The following JADE2 variants were observed in gnomAD, a reference collection of about 807,000 sequenced individuals.
JADE2 encodes jade family PHD finger 2, also known as E3 ubiquitin-protein ligase Jade-2.
JADE2 carries 13 observed loss-of-function variants against 85.7 expected under a neutral mutation model. The observed-to-expected ratio is 0.15, with a 90% CI of 0.10 to 0.24. The LOEUF (loss-of-function observed/expected upper bound fraction) is 0.24, where lower values mean the gene tolerates loss of function less well. Among genes scored for constraint, JADE2 ranks in the 10% least tolerant of loss-of-function variants. JADE2 has a pLI of 1.00. For missense variants in JADE2, 846 were observed against 1,115.9 expected, an observed-to-expected ratio of 0.76 and a Z score of 3.45; for synonymous variants, 440 against 456.1, an observed-to-expected ratio of 0.96 and a Z score of 0.45.
chr5:134,547,611 C>G (rs115800558), intron 3 of JADE2, among the ~76,000 whole-genome samples: 7 of 152,308 alleles, frequency 4.6e-5, no homozygotes, highest in African/African-American at 1.4e-4. Flanking sequence ...CCTGGAAATT[C>G]AACACAAAAT....
intron 3 of JADE2, among the ~76,000 whole-genome samples, chr5:134,543,312 G>A (rs1762090817): frequency 6.6e-6 from 1 of 151,646 alleles, no homozygotes; most frequent in Admixed American, 6.6e-5. Context: ...TTACAGGCGT[G>A]AGCCACTGTG....
rs1428007182 is a variant in JADE2 at position 134,578,821 on chromosome 5, A to T, written c.2009A>T (p.Lys670Met). 5 of 1,613,756 alleles carry T rather than the reference A, an allele frequency of 3.1e-6. No individual in the cohort carries two copies. The highest frequency in any genetic ancestry group is 4.2e-6 in the Non-Finnish European group (5 of 1,180,004). Residue 670 changes from lysine to methionine, a missense_variant, in exon 12 of 12, where the codon AAG (lysine) becomes ATG (methionine). Physicochemically the swap from Lys to Met is moderately conservative, Grantham distance 95 (BLOSUM62 -1). Around this residue, in one of 9 missense-constraint regions of JADE2, gnomAD observed 300 missense variants for 300.7 expected, o/e 1.00. Coordinates refer to ENST00000681547, the MANE Select transcript of JADE2 (RefSeq NM_001388185.1). The surrounding 1 kb of genome is among the most constrained non-coding windows in gnomAD (Gnocchi z 4.4). ...GSRTTPDKAP[K>M]KTWGQDAGSG... ...CGGACGACTCCAGACAAAGCCCCCAAGAAGACCTGGGGCCAGGATGCAGGC... is the reference window on the plus strand; with the variant it reads ...CGGACGACTCCAGACAAAGCCCCCATGAAGACCTGGGGCCAGGATGCAGGC...
intron 11 of JADE2, among the ~76,000 whole-genome samples, chr5:134,577,455 G>A (rs1764446486): frequency 6.6e-6 from 1 of 152,190 alleles, no homozygotes; most frequent in South Asian, 2.1e-4. Flanking sequence ...GAGATCTCAG[G>A]GAGCATCATG....
At chr5:134,570,777 A>G (rs1763947141) in intron 9 of JADE2, among the ~76,000 whole-genome samples, 1 of 151,654 alleles carries the variant, frequency 6.6e-6, no homozygotes, top group Admixed American at 6.6e-5. Context: ...ATGGTCATCC[A>G]TTGCTCTCCC....
chr5:134,534,898 A>G (rs1213648757), intron 1 of JADE2, among the ~76,000 whole-genome samples: 3 of 152,204 alleles, frequency 2.0e-5, no homozygotes, highest in African/African-American at 7.2e-5. Flanking sequence ...AGGCTCTGCC[A>G]CCTGGGACTC....
upstream of JADE2, among the ~76,000 whole-genome samples, chr5:134,524,815 T>G (rs1314288136): frequency 6.6e-6 from 1 of 152,154 alleles, no homozygotes; most frequent in Non-Finnish European, 1.5e-5. Context: ...TAGTTTTCCA[T>G]TTGGAGTGGG....
upstream of JADE2, chr5:134,524,413 T>A (rs1760686365): frequency 6.6e-6 from 1 of 152,296 alleles, no homozygotes; most frequent in African/African-American, 2.4e-5. Flanking sequence ...CCGAGCGTAC[T>A]GTTTGTGCAC....
chr5:134,551,136 G>T (rs1762568038), intron 3 of JADE2, among the ~76,000 whole-genome samples: 1 of 152,150 alleles, frequency 6.6e-6, no homozygotes, highest in East Asian at 1.9e-4. Flanking sequence ...ACTTGTGTCT[G>T]GGGGTGCAGA....
chr5:134,553,800 C>T (rs1762749222), intron 4 of JADE2, among the ~76,000 whole-genome samples: 2 of 152,220 alleles, frequency 1.3e-5, no homozygotes, highest in Admixed American at 1.3e-4. Context: ...GAGATGAGTC[C>T]TCTGGGCTTT....
intron 8 of JADE2, among the ~76,000 whole-genome samples, chr5:134,565,405 G>T (rs899905980): frequency 9.9e-5 from 15 of 152,234 alleles, no homozygotes; most frequent in Non-Finnish European, 2.1e-4. Flanking sequence ...CTGTCTGGAT[G>T]AAAGGAGAGG....
Position 134,566,498 on chromosome 5 carries a change from T to C in JADE2, c.1352T>C (p.Val451Ala). Reference protein sequence around the residue: ...QPLLTPKTDEVDNLAQQEQDV... With the variant: ...QPLLTPKTDEADNLAQQEQDV... Reference sequence around the variant, plus strand: ...CTGCTGACCCCCAAGACCGACGAGGTGGACAACCTGGCCCAGCAGGAGCAG... The same window carrying C: ...CTGCTGACCCCCAAGACCGACGAGGCGGACAACCTGGCCCAGCAGGAGCAG... The change falls in exon 9 of 12, where the codon GTG becomes GCG. Residue 451 changes from valine to alanine, a missense_variant. Val to Ala is a moderately conservative substitution (Grantham distance 64, BLOSUM62 0). Coordinates refer to ENST00000681547, the MANE Select transcript of JADE2 (RefSeq NM_001388185.1). The surrounding 1 kb of genome is among the most constrained non-coding windows in gnomAD (Gnocchi z 6.7). 6.2e-7 allele frequency: 1 copy of C among 1,608,712 alleles called. No individual in the cohort carries two copies. The highest frequency in any genetic ancestry group is 8.5e-7 in the Non-Finnish European group (1 of 1,177,700).
At chr5:134,532,736 A>G (rs895251159) in intron 1 of JADE2, among the ~76,000 whole-genome samples, 3 of 152,062 alleles carry the variant, frequency 2.0e-5, no homozygotes, top group Non-Finnish European at 4.4e-5. Flanking sequence ...CAGCTTTGGG[A>G]AAGGAGTCCT....
intron 3 of JADE2, among the ~76,000 whole-genome samples, chr5:134,550,051 C>G (rs186863712): frequency 6.6e-6 from 1 of 152,334 alleles, no homozygotes; most frequent in Admixed American, 6.5e-5. Flanking sequence ...TGAGTGTGCC[C>G]TTTTGCATTA....
intron 9 of JADE2, among the ~76,000 whole-genome samples, chr5:134,571,523 C>T (rs924929626): frequency 2.6e-5 from 4 of 152,142 alleles, no homozygotes; most frequent in Non-Finnish European, 4.4e-5. Context: ...ATGGTGAAAC[C>T]CCATCTCTAC....
At chr5:134,526,058 T>C in intron 1 of JADE2, 47 bp downstream of exon 1, 1 of 984,968 alleles carries the variant, frequency 1.0e-6, no homozygotes, top group Non-Finnish European at 1.2e-6. Flanking sequence ...CTCCACGACG[T>C]TATTTGGCGT....
chr5:134,526,721 G>A (rs1760850746), intron 1 of JADE2: 1 of 985,380 alleles, frequency 1.0e-6, no homozygotes, highest in Admixed American at 6.1e-5. Flanking sequence ...GCACAAATTA[G>A]ACAGTTTTTT....
intron 10 of JADE2, 48 bp from the exon 11 acceptor site, chr5:134,576,720 C>T: frequency 6.5e-7 from 1 of 1,549,002 alleles, no homozygotes; most frequent in Middle Eastern, 1.7e-4. Flanking sequence ...CTGACCGAGG[C>T]CACTCAGGGT....
intron 1 of JADE2, 71 bp from the exon 2 acceptor site, chr5:134,535,787 G>T: frequency 7.6e-7 from 1 of 1,320,048 alleles, no homozygotes; most frequent in Non-Finnish European, 1.1e-6. Flanking sequence ...GTTGGTTATG[G>T]GGTGATTTTC....
At chr5:134,542,722 G>A (rs1210931875) in intron 3 of JADE2, among the ~76,000 whole-genome samples, 8 of 151,580 alleles carry the variant, frequency 5.3e-5, no homozygotes, top group Non-Finnish European at 7.4e-5. Context: ...GATTACAAGC[G>A]TGAGCCACCA....
Sources: allele counts gnomAD v4.1 joint callset (sites outside exome capture counted in the v4.1 genomes callset), GRCh38; gene constraint gnomAD v4.1.1; regional missense constraint gnomAD v4.1.1; non-coding constraint Gnocchi (gnomAD v3.1); transcripts MANE v1.5; gene names NCBI Gene and HGNC (gene_info 2026-07-23, HGNC 2026-07-21).